PRKCI: variants seen among roughly 807,000 people sequenced by gnomAD.
PRKCI encodes the protein protein kinase C iota.
A neutral mutation model predicts 84.0 loss-of-function variants in PRKCI; 43 were observed. The ratio of observed to expected loss-of-function variants is 0.51; its 90% CI spans 0.40 to 0.66. The LOEUF (loss-of-function observed/expected upper bound fraction) is 0.66. PRKCI is among the 30% of genes least tolerant of loss of function. PRKCI has a pLI of 0.00. For synonymous variants in PRKCI, 216 were observed against 234.4 expected (o/e 0.92, Z 0.72); for missense variants, 459 against 745.6 (o/e 0.62, Z 4.48).
chr3:170,237,418 A>C (rs1409195445), intron 2 of PRKCI, among the ~76,000 whole-genome samples: 1 of 152,158 alleles, frequency 6.6e-6, no homozygotes, highest in African/African-American at 2.4e-5. Context: ...AAAGGCCTAC[A>C]TATTGGGTAC....
intron 2 of PRKCI, among the ~76,000 whole-genome samples, chr3:170,256,927 C>T (rs578066268): frequency 6.6e-4 from 100 of 151,826 alleles, no homozygotes; most frequent in Non-Finnish European, 1.2e-3. Context: ...TTTGTATTGA[C>T]CCCCTGCTTA....
chr3:170,226,331 A>G (rs1033824664), intron 1 of PRKCI, among the ~76,000 whole-genome samples: 1 of 152,190 alleles, frequency 6.6e-6, no homozygotes, highest in African/African-American at 2.4e-5. Flanking sequence ...CTAGCAAGGA[A>G]GCTTTTCAGT....
Position 170,297,403 on chromosome 3 carries a change from T to C in PRKCI, c.1587+10T>C. 6.3e-7 allele frequency: 1 copy of C among 1,592,478 alleles called. No homozygotes were observed. The highest frequency in any genetic ancestry group is 1.3e-5 in the African/African-American group (1 of 74,548). The stretch of plus-strand genomic sequence containing the variant: ...TGTTGATTGGGATATGGTATGTAAA[T>C]TTTGATTACTCAACTATTAGGTTTC... On this transcript the variant is annotated intron_variant, in intron 16 of 17. Coordinates refer to ENST00000295797, the MANE Select transcript of PRKCI (RefSeq NM_002740.6).
At chr3:170,298,750 G>A (rs1734748575) in intron 16 of PRKCI, among the ~76,000 whole-genome samples, 1 of 151,904 alleles carries the variant, frequency 6.6e-6, no homozygotes, top group African/African-American at 2.4e-5. Context: ...TATGTTGTCT[G>A]GGCTGGTCTT....
At chr3:170,289,165 C>G (rs1225455363) in intron 12 of PRKCI, among the ~76,000 whole-genome samples, 1 of 152,178 alleles carries the variant, frequency 6.6e-6, no homozygotes, top group Non-Finnish European at 1.5e-5. Context: ...CAGACTACAT[C>G]TCTTACCTCT....
chr3:170,265,249 G>A (rs1577358280), intron 4 of PRKCI, among the ~76,000 whole-genome samples: 2 of 151,924 alleles, frequency 1.3e-5, no homozygotes, highest in South Asian at 2.1e-4. Context: ...CTCTTGGACT[G>A]GGGCTGAGCT....
At chr3:170,291,764 G>A in intron 12 of PRKCI, 90 bp from the exon 13 acceptor site, 1 of 960,618 alleles carries the variant, frequency 1.0e-6, no homozygotes, top group Non-Finnish European at 1.7e-6. Flanking sequence ...CACTGCAGAT[G>A]CTGAACTTAT....
chr3:170,248,744 A>G (rs59322646), intron 2 of PRKCI, among the ~76,000 whole-genome samples: 12,850 of 152,178 alleles, frequency 0.084, 684 homozygotes, highest in East Asian at 0.16. Flanking sequence ...GAAAGCAAGT[A>G]CTTGATCTGG....
At chr3:170,276,162 C>T (rs1734108843) in intron 8 of PRKCI, among the ~76,000 whole-genome samples, 2 of 152,072 alleles carry the variant, frequency 1.3e-5, no homozygotes. Context: ...TAGTCCCGAA[C>T]TCCTGGCCTC....
intron 5 of PRKCI, 54 bp downstream of exon 5, chr3:170,268,054 CT>C (rs1733908525): frequency 7.1e-7 from 1 of 1,406,874 alleles, no homozygotes; most frequent in Non-Finnish European, 9.9e-7. Flanking sequence ...TTTTCCCTTT[CT>C]ACTATGAAAG....
Position 170,270,576 on chromosome 3 carries a change from C to CTT in PRKCI, c.591+34_591+35dup, listed in dbSNP as rs75266191. The CTT allele has an allele frequency of 0.1, 130,322 of 1,293,840 alleles. 1,994 individuals are homozygous for CTT. Among genetic ancestry groups the CTT allele is most frequent in the African/African-American group, 0.12 (6,857 of 57,788 alleles). 80.1% of individuals were successfully genotyped at this position (1,293,840 alleles called of 1,614,324 possible). A position where few individuals can be genotyped will look rare whatever the true frequency, so the allele number is the denominator to read the frequency against. On this transcript the variant is annotated intron_variant, in intron 6 of 17. Transcript: ENST00000295797. ...CTTTGCCACAGGTAAGATGTCTGTC[C>CTT]TTTTTTTTTTTTTTTTTTTTAAGAG...
chr3:170,290,514 A>G (rs1334280671), intron 12 of PRKCI, among the ~76,000 whole-genome samples: 1 of 151,604 alleles, frequency 6.6e-6, no homozygotes, highest in Non-Finnish European at 1.5e-5. Context: ...CATATATTCT[A>G]CATGTATATG....
intron 12 of PRKCI, 88 bp downstream of exon 12, chr3:170,284,684 A>G: frequency 5.0e-6 from 7 of 1,399,138 alleles, no homozygotes; most frequent in Non-Finnish European, 5.8e-6. Context: ...TGAGGAAATG[A>G]TTACTAATTT....
At position 170,281,466 on chromosome 3, in the gene PRKCI, C is replaced by T. The variant is rs1436652647; in HGVS notation, c.980+203C>T. 3 of 497,962 alleles carry T rather than the reference C, an allele frequency of 6.0e-6. No individual in the cohort carries two copies. In the East Asian group the frequency reaches 9.6e-5, roughly 16 times the overall value. The allele number at this position is 497,962 out of a possible 1,614,324, so 30.8% of individuals were successfully genotyped here. Reference sequence around the variant, plus strand: ...GCATTAGGAAATGACCTACTTTAGGCAGAACAGGAAATAGCCATGTCGTAA... The same window carrying T: ...GCATTAGGAAATGACCTACTTTAGGTAGAACAGGAAATAGCCATGTCGTAA... On this transcript the variant is annotated intron_variant, in intron 10 of 17. Transcript: ENST00000295797.
At chr3:170,263,270 G>T in intron 3 of PRKCI, 109 bp from the exon 4 acceptor site, 1 of 803,502 alleles carries the variant, frequency 1.2e-6, no homozygotes, top group South Asian at 1.7e-5. Context: ...AGTGAAGAGA[G>T]GGTCAGGTTG....
intron 2 of PRKCI, among the ~76,000 whole-genome samples, chr3:170,242,248 T>A (rs1422991272): frequency 6.6e-6 from 1 of 152,052 alleles, no homozygotes; most frequent in Non-Finnish European, 1.5e-5. Flanking sequence ...CCTATTTAGA[T>A]AGCTGTATTA....
chr3:170,298,699 C>T (rs1001869985), intron 16 of PRKCI, among the ~76,000 whole-genome samples: 6 of 152,182 alleles, frequency 3.9e-5, no homozygotes, highest in Non-Finnish European at 7.3e-5. Flanking sequence ...AGCCACTGCA[C>T]CCAGCCAATT....
At chr3:170,296,655 A>G (rs1307794840) in intron 15 of PRKCI, among the ~76,000 whole-genome samples, 2 of 152,210 alleles carry the variant, frequency 1.3e-5, no homozygotes, top group African/African-American at 4.8e-5. Context: ...AAGAAATTGA[A>G]GCCTTTTAAA....
At position 170,280,390 on chromosome 3, in the gene PRKCI, TTAA is replaced by T. The variant is rs1394125857; in HGVS notation, c.871_873del (p.Asn291del). On this transcript the variant is annotated inframe_deletion, in exon 9 of 18. Transcript: ENST00000295797. ...ATGAAAGTTGTGAAAAAAGAGCTTG[TTAA>T]TGATGATGAGGTAAGCACTGCATAT... 5 of 1,613,356 alleles carry T rather than the reference TTAA, an allele frequency of 3.1e-6. No individual in the cohort carries two copies. The highest frequency in any genetic ancestry group is 3.4e-6 in the Non-Finnish European group (4 of 1,179,498).
Sources: gnomAD v4.1 joint callset for allele counts (sites outside exome capture counted in the v4.1 genomes callset) on GRCh38, gnomAD v4.1.1 for gene constraint, MANE v1.5 for transcripts, NCBI Gene and HGNC (gene_info 2026-07-23, HGNC 2026-07-21) for gene names.